NCOA7: variants seen among roughly 807,000 people sequenced by gnomAD.
NCOA7 encodes the protein nuclear receptor coactivator 7.
A neutral mutation model predicts 104.3 loss-of-function variants in NCOA7; 45 were observed. The observed-to-expected ratio is 0.43, with a 90% confidence interval of 0.34 to 0.55. The LOEUF (loss-of-function observed/expected upper bound fraction) is 0.55, where lower values mean the gene tolerates loss of function less well. NCOA7 is among the 20% of genes least tolerant of loss of function. The pLI, the probability that NCOA7 is intolerant of heterozygous loss-of-function variation, is 0.02. For synonymous variants in NCOA7, 398 were observed against 402.3 expected (o/e 0.99, Z 0.13); for missense variants, 1,041 against 1,119.7 (o/e 0.93, Z 1.00).
intron 3 of NCOA7, among the ~76,000 whole-genome samples, chr6:125,867,865 C>T (rs1782566790): frequency 1.3e-5 from 2 of 152,208 alleles, no homozygotes; most frequent in South Asian, 4.2e-4. Flanking sequence ...GCTATTTTTC[C>T]CTCTGCTCAC....
At chr6:125,798,568 C>T (rs2128550741) in intron 1 of NCOA7, among the ~76,000 whole-genome samples, 1 of 151,962 alleles carries the variant, frequency 6.6e-6, no homozygotes, top group East Asian at 1.9e-4. Context: ...AGATATTTAG[C>T]CATTAAAATA....
intron 2 of NCOA7, among the ~76,000 whole-genome samples, chr6:125,845,712 A>G (rs1780545132): frequency 6.6e-6 from 1 of 152,186 alleles, no homozygotes; most frequent in Admixed American, 6.5e-5. Context: ...GGTTGCAGTG[A>G]GCCAAGATCG....
At chr6:125,873,420 C>A (rs577350224) in intron 3 of NCOA7, among the ~76,000 whole-genome samples, 8 of 152,222 alleles carry the variant, frequency 5.3e-5, no homozygotes, top group Non-Finnish European at 1.0e-4. Context: ...ATGTTTAAAA[C>A]AGATGGACAC....
At chr6:125,904,788 A>G (rs1386052147) in intron 10 of NCOA7, among the ~76,000 whole-genome samples, 1 of 152,216 alleles carries the variant, frequency 6.6e-6, no homozygotes, top group African/African-American at 2.4e-5. Flanking sequence ...AAAACCTATG[A>G]GGAGACATTG....
At chr6:125,826,193 AGT>A (rs1778642939) in intron 2 of NCOA7, among the ~76,000 whole-genome samples, 1 of 151,972 alleles carries the variant, frequency 6.6e-6, no homozygotes, top group Non-Finnish European at 1.5e-5. Flanking sequence ...CAGGCGTGGC[AGT>A]GTGTGTCTGT....
At chr6:125,901,286 G>A (rs142657145) in intron 10 of NCOA7, among the ~76,000 whole-genome samples, 73 of 152,224 alleles carry the variant, frequency 4.8e-4, no homozygotes, top group Non-Finnish European at 9.1e-4. Context: ...AGTGAGTTTC[G>A]GGATTATATT....
intron 3 of NCOA7, among the ~76,000 whole-genome samples, chr6:125,869,540 T>C (rs1782712937): frequency 6.6e-6 from 1 of 152,306 alleles, no homozygotes; most frequent in African/African-American, 2.4e-5. Context: ...ATAGATGAAA[T>C]TGAGGTTGCT....
intron 3 of NCOA7, among the ~76,000 whole-genome samples, chr6:125,874,075 A>T (rs534320722): frequency 6.6e-6 from 1 of 152,352 alleles, no homozygotes; most frequent in Admixed American, 6.5e-5. Flanking sequence ...CTGTAATCCC[A>T]ACACTTCAGG....
intron 6 of NCOA7, among the ~76,000 whole-genome samples, chr6:125,881,957 G>A (rs754189486): frequency 3.9e-5 from 6 of 152,186 alleles, no homozygotes; most frequent in African/African-American, 7.2e-5. Flanking sequence ...AGTTTCAAGC[G>A]ATTCTCCTGC....
At chr6:125,869,564 T>G (rs1306598693) in intron 3 of NCOA7, among the ~76,000 whole-genome samples, 3 of 152,134 alleles carry the variant, frequency 2.0e-5, no homozygotes, top group Non-Finnish European at 4.4e-5. Flanking sequence ...CAGCTGACCT[T>G]AAGGAGATTT....
At chr6:125,848,705 G>T (rs1161551499) in intron 2 of NCOA7, among the ~76,000 whole-genome samples, 1 of 152,028 alleles carries the variant, frequency 6.6e-6, no homozygotes, top group African/African-American at 2.4e-5. Context: ...TGTAAATGAC[G>T]AGTTGATGGG....
intron 2 of NCOA7, among the ~76,000 whole-genome samples, chr6:125,849,582 G>GT (rs768271138): frequency 9.9e-5 from 15 of 152,026 alleles, no homozygotes; most frequent in Non-Finnish European, 1.9e-4. Context: ...GACATGTTTT[G>GT]TTTTCATAAT....
intron 2 of NCOA7, among the ~76,000 whole-genome samples, chr6:125,834,148 T>A (rs1319083099): frequency 2.6e-5 from 4 of 151,702 alleles, no homozygotes; most frequent in African/African-American, 9.7e-5. Context: ...GCAGCTTATT[T>A]TTGTTTTTGT....
chr6:125,865,543 C>T (rs1782378634), intron 3 of NCOA7, among the ~76,000 whole-genome samples: 1 of 135,508 alleles, frequency 7.4e-6, no homozygotes, highest in Non-Finnish European at 1.6e-5. Context: ...TTAGGTTTCT[C>T]TTAAAGTGCT....
rs763561854 is a variant in NCOA7 at position 125,928,276 on chromosome 6, A to T, written c.2693+29A>T. ...AGGTTTTTTTTGTTTTTGTTTTCTTATTGTTATTTTACCACCTGACCTGAG... is the reference window on the plus strand; with the variant it reads ...AGGTTTTTTTTGTTTTTGTTTTCTTTTTGTTATTTTACCACCTGACCTGAG... On this transcript the variant is annotated intron_variant, in intron 15 of 15. Transcript: ENST00000392477. 5 of 1,584,806 alleles carry T rather than the reference A, an allele frequency of 3.2e-6. No individual in the cohort carries two copies. The East Asian group carries it at 1.1e-4, about 35-fold the overall frequency.
intron 12 of NCOA7, 71 bp downstream of exon 12, chr6:125,921,139 G>A (rs1787541049): frequency 1.3e-6 from 2 of 1,560,384 alleles, no homozygotes; most frequent in African/African-American, 2.7e-5. Context: ...GCCAGGTACA[G>A]TGGCTCATGC....
chr6:125,819,364 G>A (rs1352390426), intron 2 of NCOA7, among the ~76,000 whole-genome samples: 1 of 151,820 alleles, frequency 6.6e-6, no homozygotes, highest in Non-Finnish European at 1.5e-5. Flanking sequence ...ATATGCCTGT[G>A]TAACTCTAAA....
Position 125,862,165 on chromosome 6 carries a change from A to G in NCOA7, c.271+6925A>G, listed in dbSNP as rs141043498. Among the ~76,000 whole-genome samples the G allele has an allele frequency of 6.4e-4, 88 of 136,978 alleles. 19 individuals are homozygous for G. Among genetic ancestry groups the G allele is most frequent in the African/African-American group, 2.6e-3 (85 of 32,634 alleles). 89.9% of individuals were successfully genotyped at this position (136,978 alleles called of 152,430 possible). ...TAGAACCACGGGAGTAAAAACAGTC[A>G]TCAAAGCTGGAATCAGATAAGAAGA... is the stretch of plus-strand genomic sequence containing the variant. On this transcript the variant is annotated intron_variant, in intron 3 of 15. Transcript: ENST00000392477.
At chr6:125,857,129 T>A (rs536899869) in intron 3 of NCOA7, among the ~76,000 whole-genome samples, 1 of 152,368 alleles carries the variant, frequency 6.6e-6, no homozygotes, top group Non-Finnish European at 1.5e-5. Flanking sequence ...ACTGTCAACC[T>A]GTTGAAAGAT....
Sources: allele counts gnomAD v4.1 joint callset (sites outside exome capture counted in the v4.1 genomes callset), GRCh38; gene constraint gnomAD v4.1.1; transcripts MANE v1.5; gene names NCBI Gene and HGNC (gene_info 2026-07-23, HGNC 2026-07-21).